Variants in ZNF107 observed in about 807,000 individuals in gnomAD.
ZNF107 encodes zinc finger protein 107, also known as C2H2 type zinc-finger protein.
In ZNF107, 19 loss-of-function variants were observed where a neutral mutation model predicts 12.3. The observed-to-expected ratio is 1.55, with a 90% confidence interval of 1.08 to 2.27. The LOEUF (loss-of-function observed/expected upper bound fraction) is 2.27. Among genes scored for constraint, ZNF107 ranks in the 30% most tolerant of loss-of-function variants. The probability of loss-of-function intolerance (pLI) is 0.00; values close to 1 mark genes in which losing one functional copy is unlikely to be tolerated. For synonymous variants in ZNF107, 317 were observed against 330.5 expected, an observed-to-expected ratio of 0.96 and a Z score of 0.44; for missense variants, 958 against 979.9, an observed-to-expected ratio of 0.98 and a Z score of 0.30.
In ZNF107 at chr7:64,709,693, T is replaced by C. The variant is rs1790819797; in HGVS notation, c.*1037T>C. The C allele has an allele frequency of 2.2e-6, 1 of 455,554 alleles. No homozygotes were observed. The highest frequency in any genetic ancestry group is 4.4e-6 in the Non-Finnish European group (1 of 226,720). The allele number at this position is 455,554 out of a possible 1,614,324, so 28.2% of individuals were successfully genotyped here. Reference sequence around the variant, plus strand: ...GGAAAGCATTTATACTTCAGAAAGATTGTACAAATACAAGGAATGTGGAAA... The same window carrying C: ...GGAAAGCATTTATACTTCAGAAAGACTGTACAAATACAAGGAATGTGGAAA... On this transcript the variant is annotated 3_prime_UTR_variant, in exon 4 of 4. Coordinates refer to ENST00000620827, the MANE Select transcript of ZNF107 (RefSeq NM_001282359.2).
intron 3 of ZNF107, among the ~76,000 whole-genome samples, chr7:64,699,026 C>T (rs1350732253): frequency 6.6e-6 from 1 of 151,852 alleles, no homozygotes; most frequent in African/African-American, 2.4e-5. Context: ...CTCTTCTGTT[C>T]TTTCATCTGT....
intron 1 of ZNF107, chr7:64,686,936 C>G (rs1388204911): frequency 1.0e-6 from 1 of 985,440 alleles, no homozygotes. Context: ...CACACACTTA[C>G]AAAATTCTGC....
intron 1 of ZNF107, among the ~76,000 whole-genome samples, chr7:64,675,380 T>C (rs1789380095): frequency 6.6e-6 from 1 of 152,238 alleles, no homozygotes; most frequent in African/African-American, 2.4e-5. Flanking sequence ...TTTTCTAGTT[T>C]GTGTGCATAG....
chr7:64,675,224 T>C (rs987441959), intron 1 of ZNF107, among the ~76,000 whole-genome samples: 4 of 152,188 alleles, frequency 2.6e-5, no homozygotes, highest in African/African-American at 9.7e-5. Context: ...TAAATCTCTC[T>C]GGTCCTGAGC....
intron 1 of ZNF107, among the ~76,000 whole-genome samples, chr7:64,672,905 A>G (rs1278514060): frequency 4.6e-5 from 7 of 152,204 alleles, no homozygotes; most frequent in Admixed American, 4.6e-4. Context: ...ACATTCCCAC[A>G]GGCAGTGTAC....
chr7:64,706,906 C>G lies in ZNF107; in HGVS notation c.809C>G (p.Ser270Ter). Residue 270 changes from serine (S) to a stop codon, truncating the protein, a stop_gained, in exon 4 of 4, where the codon TCA (serine) becomes TGA (stop). Coordinates refer to ENST00000620827, the MANE Select transcript of ZNF107 (RefSeq NM_001282359.2). LOFTEE classifies it low-confidence loss of function (END_TRUNC). Reference protein sequence around the residue: ...EECGKAFKQASHLTIHKIIHT... With the variant: ...EECGKAFKQA ...TGTGGCAAGGCCTTTAAACAGGCCT[C>G]ACACCTTACTATACATAAAATAATT... 6.2e-7 allele frequency: 1 copy of G among 1,612,728 alleles called. No individual in the cohort carries two copies. The highest frequency in any genetic ancestry group is 8.5e-7 in the Non-Finnish European group (1 of 1,179,514).
chr7:64,666,307 T>A lies in ZNF107; in HGVS notation c.3+22T>A, dbSNP rs1376773214. ...AATGGTGAGAGTGCTGGGTCCGACA[T>A]CCCGAGAGAGGGGGAGGGGCTGGTT... On this transcript the variant is annotated intron_variant, in intron 1 of 3. Transcript: ENST00000620827. 2.5e-6 allele frequency: 4 copies of A among 1,608,386 alleles called. No individual in the cohort carries two copies. The East Asian group carries it at 9.0e-5, about 36-fold the overall frequency.
chr7:64,705,740 T>G (rs914898112), intron 3 of ZNF107, among the ~76,000 whole-genome samples: 2 of 151,866 alleles, frequency 1.3e-5, no homozygotes, highest in Admixed American at 1.3e-4. Context: ...TCATGTTTCT[T>G]CTTGATAGTC....
At chr7:64,690,349 T>C in intron 1 of ZNF107, 3 of 985,392 alleles carry the variant, frequency 3.0e-6, no homozygotes, top group Non-Finnish European at 3.6e-6. Context: ...TAGGGTTTAC[T>C]CCCAGCTGCA....
Position 64,708,150 on chromosome 7 carries a change from G to C in ZNF107, c.2053G>C (p.Ala685Pro), listed in dbSNP as rs942402376. The C allele has an allele frequency of 6.2e-7, 1 of 1,611,738 alleles. No homozygotes were observed. The highest frequency in any genetic ancestry group is 1.1e-5 in the South Asian group (1 of 90,720). Residue 685 changes from alanine (A) to proline (P), a missense_variant, in exon 4 of 4, where the codon GCT becomes CCT. Transcript: ENST00000620827. ...CCACAAATGTGAAGAATGTGGAAAAGCTTATAACCGATTCTCAAACCTAAC... is the reference window on the plus strand; with the variant it reads ...CCACAAATGTGAAGAATGTGGAAAACCTTATAACCGATTCTCAAACCTAAC... ...KPHKCEECGK[A>P]YNRFSNLTIH...
chr7:64,668,834 T>A (rs76499066), intron 1 of ZNF107, among the ~76,000 whole-genome samples: 2,556 of 152,076 alleles, frequency 0.017, 75 homozygotes, highest in African/African-American at 0.059. Context: ...CTCTTCCATT[T>A]TGACTGTAGA....
At chr7:64,689,632 C>T (rs2862798) in intron 1 of ZNF107, 57,866 of 153,274 alleles carry the variant, frequency 0.38, 11,509 homozygotes, top group South Asian at 0.52. Flanking sequence ...ATCTGGAGCT[C>T]CACTGTGGCA....
intron 1 of ZNF107, among the ~76,000 whole-genome samples, chr7:64,672,605 T>C (rs1288610810): frequency 2.6e-5 from 4 of 152,178 alleles, no homozygotes; most frequent in Non-Finnish European, 4.4e-5. Flanking sequence ...TCCGCAAATC[T>C]GCATGCCTCA....
chr7:64,683,474 T>A (rs1789769019), intron 1 of ZNF107, among the ~76,000 whole-genome samples: 1 of 152,186 alleles, frequency 6.6e-6, no homozygotes, highest in Non-Finnish European at 1.5e-5. Context: ...CCAGTATATT[T>A]CTTTCTCATC....
In ZNF107 at chr7:64,706,407, G is replaced by A. The variant is rs539851686; in HGVS notation, c.310G>A (p.Gly104Arg). Residue 104 changes from glycine to arginine, a missense_variant, in exon 4 of 4, where the codon GGA (glycine) becomes AGA (arginine). Gly to Arg is a moderately radical substitution (Grantham distance 125). Coordinates refer to ENST00000620827, the MANE Select transcript of ZNF107 (RefSeq NM_001282359.2). ...SFQKVTLRRY[G>R]KCEYENLQLR... is the part of the protein sequence containing the mutation. ...CCAGAAAGTGACACTGAGAAGATAC[G>A]GAAAATGTGAATATGAGAATTTACA... The A allele has an allele frequency of 1.7e-5, 27 of 1,613,044 alleles. No homozygotes were observed. The highest frequency in any genetic ancestry group is 3.3e-4 in the Middle Eastern group (2 of 6,082).
chr7:64,666,316 AG>A, intron 1 of ZNF107, 31 bp downstream of exon 1: 1 of 1,606,910 alleles, frequency 6.2e-7, no homozygotes, highest in Non-Finnish European at 8.5e-7. Flanking sequence ...ATCCCGAGAG[AG>A]GGGGAGGGGC....
At chr7:64,703,062 T>C (rs1180877540) in intron 3 of ZNF107, among the ~76,000 whole-genome samples, 1 of 152,234 alleles carries the variant, frequency 6.6e-6, no homozygotes, top group African/African-American at 2.4e-5. Flanking sequence ...ACATACTTGA[T>C]GGCATTCGAT....
intron 1 of ZNF107, chr7:64,689,522 G>A (rs1170584246): frequency 5.3e-5 from 8 of 152,262 alleles, no homozygotes; most frequent in South Asian, 4.2e-4. Context: ...ACAAAGTATC[G>A]AGAGTCATGA....
intron 1 of ZNF107, among the ~76,000 whole-genome samples, chr7:64,670,759 T>C (rs1368014395): frequency 6.6e-6 from 1 of 152,230 alleles, no homozygotes; most frequent in Non-Finnish European, 1.5e-5. Context: ...CTATACATTT[T>C]TTCCATTTGA....
Sources: allele counts gnomAD v4.1 joint callset (sites outside exome capture counted in the v4.1 genomes callset), GRCh38; gene constraint gnomAD v4.1.1; transcripts MANE v1.5; gene names NCBI Gene and HGNC (gene_info 2026-07-23, HGNC 2026-07-21).